Variants in FAM178B observed in about 807,000 individuals in gnomAD.
The protein encoded by FAM178B is family with sequence similarity 178 member B.
Under a neutral mutation model 91.7 loss-of-function variants are expected in FAM178B, and 82 were observed. The ratio of observed to expected loss-of-function variants is 0.89; its 90% confidence interval spans 0.75 to 1.07. The LOEUF (loss-of-function observed/expected upper bound fraction) is 1.07, where lower values mean the gene tolerates loss of function less well. Among genes scored for constraint, FAM178B ranks in the 50% least tolerant of loss-of-function variants. FAM178B has a pLI of 0.00. For missense variants in FAM178B, 769 were observed against 846.7 expected (o/e 0.91, Z 1.14); for synonymous variants, 368 against 359.4 (o/e 1.02, Z -0.27).
chr2:96,887,250 C>T (rs1356120257), intron 14 of FAM178B, among the ~76,000 whole-genome samples: 1 of 152,044 alleles, frequency 6.6e-6, no homozygotes, highest in Non-Finnish European at 1.5e-5. Flanking sequence ...AAACCGTTTG[C>T]AGAAATAAGG....
At chr2:96,939,801 T>C (rs747186274) in intron 8 of FAM178B, among the ~76,000 whole-genome samples, 3 of 152,138 alleles carry the variant, frequency 2.0e-5, no homozygotes, top group Non-Finnish European at 4.4e-5. Flanking sequence ...AATAATGGTA[T>C]CTACTTGTAG....
At chr2:96,952,426 G>A (rs2081942635) in intron 6 of FAM178B, among the ~76,000 whole-genome samples, 1 of 152,154 alleles carries the variant, frequency 6.6e-6, no homozygotes, top group Non-Finnish European at 1.5e-5. Context: ...ACGCGGCTGT[G>A]GCTGTGACCG....
At chr2:96,969,773 AG>A (rs2082192502) in intron 4 of FAM178B, among the ~76,000 whole-genome samples, 1 of 152,210 alleles carries the variant, frequency 6.6e-6, no homozygotes, top group Admixed American at 6.5e-5. Flanking sequence ...AGGAGCCCAG[AG>A]GGGCTGCACA....
At chr2:96,933,881 T>C (rs7574488) in intron 8 of FAM178B, among the ~76,000 whole-genome samples, 46,746 of 152,184 alleles carry the variant, frequency 0.31, 12,208 homozygotes, top group African/African-American at 0.71. Context: ...GAGTCCGATC[T>C]TAACTGGAGT....
rs1038216380 is a variant in FAM178B, at chr2:96,877,642, G to A, written c.2007+248C>T. 2.6e-4 allele frequency: 125 copies of A among 485,038 alleles called. 1 individual carries two copies. Among genetic ancestry groups the A allele is most frequent in the East Asian group, 3.9e-4 (11 of 28,438 alleles). 30.0% of individuals were successfully genotyped at this position (485,038 alleles called of 1,614,324 possible). On this transcript the variant is annotated intron_variant, in intron 16 of 16. Transcript: ENST00000490605. The stretch of plus-strand genomic sequence containing the variant: ...GGTCTCCTGACCTTGTGATCCGCCC[G>A]CCTCAGTCTCCCAAAGTGCTGGGAT...
At chr2:96,954,645 G>A (rs1441168439) in intron 6 of FAM178B, among the ~76,000 whole-genome samples, 2 of 152,232 alleles carry the variant, frequency 1.3e-5, no homozygotes, top group South Asian at 2.1e-4. Flanking sequence ...ATCAGCTCCT[G>A]GGCCTTTGCC....
chr2:96,919,157 G>T (rs1286156945), intron 12 of FAM178B, among the ~76,000 whole-genome samples: 2 of 152,190 alleles, frequency 1.3e-5, no homozygotes, highest in East Asian at 3.8e-4. Context: ...AGACTACAGT[G>T]GCACACACAC....
chr2:96,958,029 G>T (rs927146649), intron 6 of FAM178B, among the ~76,000 whole-genome samples: 2 of 151,572 alleles, frequency 1.3e-5, no homozygotes, highest in Non-Finnish European at 2.9e-5. Flanking sequence ...CATCTAATTG[G>T]AATGTTTGGA....
intron 6 of FAM178B, among the ~76,000 whole-genome samples, chr2:96,955,760 G>A (rs1052617658): frequency 2.0e-5 from 3 of 152,076 alleles, no homozygotes; most frequent in African/African-American, 4.8e-5. Flanking sequence ...TGCTACCTCC[G>A]CTTGCTCTTT....
chr2:96,955,232 C>T (rs573926111), intron 6 of FAM178B, among the ~76,000 whole-genome samples: 5 of 152,070 alleles, frequency 3.3e-5, no homozygotes, highest in South Asian at 2.1e-4. Flanking sequence ...CATGCGAGAC[C>T]GGGTGCGGTG....
intron 1 of FAM178B, among the ~76,000 whole-genome samples, chr2:96,980,114 C>T (rs1052255261): frequency 1.3e-5 from 2 of 152,060 alleles, no homozygotes; most frequent in Middle Eastern, 3.2e-3. Flanking sequence ...CTCTCTGTCA[C>T]CCAGGCTGGA....
At chr2:96,980,996 G>T (rs1256112946) in intron 1 of FAM178B, among the ~76,000 whole-genome samples, 1 of 151,602 alleles carries the variant, frequency 6.6e-6, no homozygotes, top group Non-Finnish European at 1.5e-5. Context: ...CTTTGAGACG[G>T]AGTCTTACTC....
intron 5 of FAM178B, among the ~76,000 whole-genome samples, chr2:96,961,032 C>T (rs952116126): frequency 6.6e-6 from 1 of 152,146 alleles, no homozygotes; most frequent in Non-Finnish European, 1.5e-5. Context: ...GAGGACCACC[C>T]AGACAGCTGC....
At chr2:96,885,293 C>T (rs1057440491) in intron 14 of FAM178B, among the ~76,000 whole-genome samples, 1 of 152,258 alleles carries the variant, frequency 6.6e-6, no homozygotes, top group Non-Finnish European at 1.5e-5. Flanking sequence ...GCAGAGGACT[C>T]GGGGCCCAGC....
chr2:96,891,571 T>C (rs955083414), intron 14 of FAM178B, among the ~76,000 whole-genome samples: 2 of 152,216 alleles, frequency 1.3e-5, no homozygotes, highest in Admixed American at 6.5e-5. Context: ...ACACTGCATG[T>C]GCCCACAGTC....
chr2:96,879,211 T>G (rs1451216957), intron 14 of FAM178B, among the ~76,000 whole-genome samples: 4 of 152,196 alleles, frequency 2.6e-5, no homozygotes, highest in Non-Finnish European at 5.9e-5. Context: ...TCCCAACTGC[T>G]GCCCGCAGGT....
rs1040709972 is a variant in FAM178B, at chr2:96,893,810, G to C, written c.1776+116C>G. 3.1e-6 allele frequency: 4 copies of C among 1,300,432 alleles called. No individual in the cohort carries two copies. The Admixed American group carries it at 1.0e-4, about 34-fold the overall frequency. 80.6% of individuals were successfully genotyped at this position (1,300,432 alleles called of 1,614,324 possible). On this transcript the variant is annotated intron_variant, in intron 14 of 16. Transcript: ENST00000490605. Reference sequence around the variant, plus strand: ...GCCTGTTGGTCTCTGCCCTGGCATGGCCCTGGGGTTCTGGAAGGACCCGCA... The same window carrying C: ...GCCTGTTGGTCTCTGCCCTGGCATGCCCCTGGGGTTCTGGAAGGACCCGCA...
At chr2:96,943,459 A>G (rs1198717650) in intron 8 of FAM178B, among the ~76,000 whole-genome samples, 5 of 152,222 alleles carry the variant, frequency 3.3e-5, no homozygotes, top group Non-Finnish European at 5.9e-5. Flanking sequence ...GCTGAATAGT[A>G]TTCCATTTTA....
chr2:96,893,166 C>T (rs190224894), intron 14 of FAM178B, among the ~76,000 whole-genome samples: 2 of 152,294 alleles, frequency 1.3e-5, no homozygotes, highest in African/African-American at 4.8e-5. Context: ...CCAATTATAA[C>T]GATCCCTATC....
Sources: gnomAD v4.1 joint callset for allele counts (sites outside exome capture counted in the v4.1 genomes callset) on GRCh38, gnomAD v4.1.1 for gene constraint, MANE v1.5 for transcripts, NCBI Gene and HGNC (gene_info 2026-07-23, HGNC 2026-07-21) for gene names.